The following ULK4 variants were observed in gnomAD, a reference collection of about 807,000 sequenced individuals.
ULK4 encodes inactive serine/threonine-protein kinase ULK4.
A neutral mutation model predicts 160.6 loss-of-function variants in ULK4; 133 were observed. The ratio of observed to expected loss-of-function variants is 0.83; its 90% CI spans 0.72 to 0.96. The LOEUF (loss-of-function observed/expected upper bound fraction) is 0.96. Ranked by LOEUF, ULK4 falls within the 40% of genes least tolerant of loss-of-function variation. The pLI is 0.00. For synonymous variants in ULK4, 534 were observed against 539.8 expected (o/e 0.99, Z 0.15); for missense variants, 1,580 against 1,499.5 (o/e 1.05, Z -0.89).
intron 35 of ULK4, among the ~76,000 whole-genome samples, chr3:41,337,976 C>T (rs995545737): frequency 9.2e-5 from 14 of 152,184 alleles, no homozygotes; most frequent in African/African-American, 3.4e-4. Flanking sequence ...TAATCAAGTT[C>T]CCATGGCCTC....
intron 32 of ULK4, among the ~76,000 whole-genome samples, chr3:41,478,166 C>G (rs1234091888): frequency 6.6e-6 from 1 of 152,176 alleles, no homozygotes; most frequent in Non-Finnish European, 1.5e-5. Context: ...TTAACCTTCT[C>G]TAGTCAGGGG....
At chr3:41,698,129 G>A (rs1286552488) in intron 27 of ULK4, among the ~76,000 whole-genome samples, 2 of 152,066 alleles carry the variant, frequency 1.3e-5, no homozygotes, top group African/African-American at 4.8e-5. Context: ...ATACCATCTA[G>A]GTTGGTGTAA....
intron 30 of ULK4, among the ~76,000 whole-genome samples, chr3:41,653,867 G>C (rs2034837898): frequency 6.6e-6 from 1 of 152,134 alleles, no homozygotes; most frequent in Non-Finnish European, 1.5e-5. Context: ...GGAAGTCTTG[G>C]AAAACATAAA....
intron 32 of ULK4, among the ~76,000 whole-genome samples, chr3:41,517,777 C>A (rs2085799773): frequency 6.6e-6 from 1 of 152,282 alleles, no homozygotes; most frequent in South Asian, 2.1e-4. Context: ...CACTTTCTAG[C>A]CAGGGATCCT....
intron 17 of ULK4, among the ~76,000 whole-genome samples, chr3:41,848,964 A>G (rs1047903118): frequency 1.8e-4 from 28 of 152,212 alleles, no homozygotes; most frequent in Admixed American, 9.2e-4. Flanking sequence ...AATTAACTGA[A>G]AGTGGAAATG....
At chr3:41,851,098 A>C (rs545880432) in intron 17 of ULK4, among the ~76,000 whole-genome samples, 1 of 152,196 alleles carries the variant, frequency 6.6e-6, no homozygotes, top group Non-Finnish European at 1.5e-5. Flanking sequence ...CCCTTGCCAG[A>C]ATTTCCAACA....
At chr3:41,436,053 C>T (rs184381096) in intron 34 of ULK4, among the ~76,000 whole-genome samples, 105 of 152,232 alleles carry the variant, frequency 6.9e-4, no homozygotes, top group Admixed American at 2.0e-4. Context: ...GGTGGGAAAG[C>T]GATACGCATT....
At chr3:41,922,857 G>T (rs562785714) in intron 5 of ULK4, among the ~76,000 whole-genome samples, 21 of 152,290 alleles carry the variant, frequency 1.4e-4, no homozygotes, top group African/African-American at 4.8e-4. Flanking sequence ...TCTTAAGAAA[G>T]GTTCTTCAGG....
intron 35 of ULK4, among the ~76,000 whole-genome samples, chr3:41,304,903 G>C (rs148963039): frequency 2.0e-5 from 3 of 152,300 alleles, no homozygotes; most frequent in South Asian, 2.1e-4. Context: ...CCAGCTGCAG[G>C]GTAGGAAGGA....
At chr3:41,620,699 C>G (rs988465391) in intron 30 of ULK4, among the ~76,000 whole-genome samples, 2 of 152,026 alleles carry the variant, frequency 1.3e-5, no homozygotes, top group Admixed American at 6.6e-5. Context: ...CCTTTGAAAA[C>G]CGGCACAAGA....
intron 30 of ULK4, among the ~76,000 whole-genome samples, chr3:41,626,057 T>C (rs2033491319): frequency 6.6e-6 from 1 of 152,166 alleles, no homozygotes; most frequent in African/African-American, 2.4e-5. Context: ...CCTTTAATGG[T>C]GCCATTTAAT....
At chr3:41,882,279 G>A in intron 17 of ULK4, 1 of 703,018 alleles carries the variant, frequency 1.4e-6, no homozygotes, top group Non-Finnish European at 2.6e-6. Context: ...GGAGCTTGTA[G>A]TCTAGTGTGG....
At chr3:41,493,299 G>C (rs1218443577) in intron 32 of ULK4, among the ~76,000 whole-genome samples, 10 of 145,616 alleles carry the variant, frequency 6.9e-5, no homozygotes, top group African/African-American at 2.6e-4. Flanking sequence ...CAACTGCATG[G>C]AAACTGAACA....
intron 35 of ULK4, among the ~76,000 whole-genome samples, chr3:41,338,854 G>T (rs2080622066): frequency 6.6e-6 from 1 of 151,876 alleles, no homozygotes; most frequent in South Asian, 2.1e-4. Flanking sequence ...GCCAAGGGCA[G>T]AAGATCAAGG....
At chr3:41,495,378 T>G (rs577706728) in intron 32 of ULK4, among the ~76,000 whole-genome samples, 1,703 of 152,016 alleles carry the variant, frequency 0.011, 12 homozygotes, top group Non-Finnish European at 0.017. Context: ...TAGCCATATG[T>G]AGAAAGCTGA....
At chr3:41,884,974 A>AC (rs753024958) in intron 16 of ULK4, among the ~76,000 whole-genome samples, 6 of 151,226 alleles carry the variant, frequency 4.0e-5, no homozygotes, top group East Asian at 1.9e-4. Context: ...TCCCACCTCA[A>AC]CCCCCCCAGC....
intron 2 of ULK4, among the ~76,000 whole-genome samples, chr3:41,947,093 C>T (rs998921726): frequency 3.9e-5 from 6 of 152,194 alleles, no homozygotes; most frequent in East Asian, 1.9e-4. Context: ...TTTGGGAGGC[C>T]GAGGCGGGAG....
At chr3:41,538,822 C>A (rs1348756941) in intron 32 of ULK4, among the ~76,000 whole-genome samples, 3 of 152,028 alleles carry the variant, frequency 2.0e-5, no homozygotes, top group African/African-American at 7.2e-5. Context: ...CCATAAATGT[C>A]CTTTGTGGCA....
intron 4 of ULK4, among the ~76,000 whole-genome samples, chr3:41,933,635 C>A (rs972044568): frequency 2.6e-5 from 4 of 152,078 alleles, no homozygotes; most frequent in African/African-American, 9.7e-5. Context: ...TATCAGCAAA[C>A]TACAGCCTCT....
Sources: gnomAD v4.1 joint callset for allele counts (sites outside exome capture counted in the v4.1 genomes callset) on GRCh38, gnomAD v4.1.1 for gene constraint, MANE v1.5 for transcripts, NCBI Gene and HGNC (gene_info 2026-07-23, HGNC 2026-07-21) for gene names.